NELL2: variants seen among roughly 807,000 people sequenced by gnomAD.
NELL2 encodes the protein neural EGFL like 2.
Under a neutral mutation model 109.6 loss-of-function variants are expected in NELL2, and 41 were observed. That is an observed-to-expected ratio of 0.37 (90% confidence interval 0.29 to 0.49). The LOEUF is 0.49. Ranked by LOEUF, NELL2 falls within the 20% of genes least tolerant of loss-of-function variation. The pLI is 0.98. For missense variants in NELL2, 900 were observed against 1,008.3 expected, an observed-to-expected ratio of 0.89 and a Z score of 1.45; for synonymous variants, 355 against 344.7, an observed-to-expected ratio of 1.03 and a Z score of -0.33.
intron 3 of NELL2, among the ~76,000 whole-genome samples, chr12:44,811,441 A>G (rs1033220548): frequency 2.6e-5 from 4 of 152,068 alleles, no homozygotes; most frequent in African/African-American, 9.7e-5. Flanking sequence ...GAAGAAATTA[A>G]TGTAAACTGG....
chr12:44,888,335 A>C (rs185199145), intron 1 of NELL2, among the ~76,000 whole-genome samples: 12 of 150,244 alleles, frequency 8.0e-5, no homozygotes, highest in Non-Finnish European at 1.6e-4. Flanking sequence ...TCGTGGTTCT[A>C]AATAAATTTA....
intron 9 of NELL2, among the ~76,000 whole-genome samples, chr12:44,739,902 C>A (rs1386423667): frequency 6.6e-6 from 1 of 151,850 alleles, no homozygotes. Context: ...AACACAACAA[C>A]AACAAAAAAA....
intron 9 of NELL2, among the ~76,000 whole-genome samples, chr12:44,743,334 C>T (rs1333823216): frequency 6.6e-6 from 1 of 152,132 alleles, no homozygotes; most frequent in Admixed American, 6.5e-5. Flanking sequence ...CCGGTACCAG[C>T]CACTGCAAAA....
chr12:44,800,879 G>A (rs1335105159), intron 3 of NELL2, among the ~76,000 whole-genome samples: 1 of 152,176 alleles, frequency 6.6e-6, no homozygotes, highest in Non-Finnish European at 1.5e-5. Context: ...AGTCACACGG[G>A]ACAGAGTAAG....
In NELL2 at chr12:44,874,548, T is replaced by C. The variant is rs572052384; in HGVS notation, c.184+677A>G. On this transcript the variant is annotated intron_variant, in intron 2 of 19. Transcript: ENST00000429094. ...GACATTTGTGCCCAGCCAATATCCATTGACTTCAAAAAAAAGTTGTAAAAT... is the reference window on the plus strand; with the variant it reads ...GACATTTGTGCCCAGCCAATATCCACTGACTTCAAAAAAAAGTTGTAAAAT... Among the ~76,000 whole-genome samples, 17 of 152,326 alleles carry C rather than the reference T, an allele frequency of 1.1e-4. No individual in the cohort carries two copies. The East Asian group carries it at 2.3e-3, about 21-fold the overall frequency.
At chr12:44,561,154 A>G (rs149399133) in intron 15 of NELL2, among the ~76,000 whole-genome samples, 156 of 152,356 alleles carry the variant, frequency 1.0e-3, no homozygotes, top group Non-Finnish European at 1.9e-3. Flanking sequence ...TACACTCAAT[A>G]AACTAGGAAT....
intron 12 of NELL2, among the ~76,000 whole-genome samples, chr12:44,686,566 A>G (rs1234227940): frequency 6.6e-6 from 1 of 151,742 alleles, no homozygotes; most frequent in Non-Finnish European, 1.5e-5. Flanking sequence ...TTGGTCTTTG[A>G]TGATGGTGAT....
chr12:44,710,591 C>G (rs1200179214), intron 11 of NELL2, among the ~76,000 whole-genome samples: 2 of 152,104 alleles, frequency 1.3e-5, no homozygotes, highest in Non-Finnish European at 2.9e-5. Context: ...ATACATGAAT[C>G]TATAATAAGA....
intron 3 of NELL2, among the ~76,000 whole-genome samples, chr12:44,810,408 G>A (rs935083410): frequency 2.0e-5 from 3 of 152,056 alleles, no homozygotes; most frequent in Admixed American, 6.6e-5. Flanking sequence ...AGAATTATAG[G>A]CAGTGGTAAA....
intron 15 of NELL2, among the ~76,000 whole-genome samples, chr12:44,601,272 C>G (rs1945209770): frequency 6.6e-6 from 1 of 152,016 alleles, no homozygotes; most frequent in Non-Finnish European, 1.5e-5. Flanking sequence ...TTATACACGA[C>G]TGATATATAG....
chr12:44,530,659 A>T (rs1408241318), intron 16 of NELL2, among the ~76,000 whole-genome samples: 1 of 152,190 alleles, frequency 6.6e-6, no homozygotes, highest in African/African-American at 2.4e-5. Flanking sequence ...CTGCTCTTGG[A>T]TTGCTTGCTT....
chr12:44,587,536 T>A (rs1397056040), intron 15 of NELL2, among the ~76,000 whole-genome samples: 1 of 151,994 alleles, frequency 6.6e-6, no homozygotes, highest in Non-Finnish European at 1.5e-5. Flanking sequence ...TCTATTAATG[T>A]CTAATAATGC....
rs773055380 is a variant in NELL2, at chr12:44,711,350, C to A, written c.1131G>T (p.Leu377Phe). 16 of 1,612,444 alleles carry A rather than the reference C, an allele frequency of 9.9e-6. No homozygotes were observed. Among genetic ancestry groups the A allele is most frequent in the Middle Eastern group, 3.3e-4 (2 of 6,070 alleles). The change falls in exon 11 of 20, where the codon TTG becomes TTT. Residue 377 changes from leucine (L) to phenylalanine (F), a missense_variant. By Grantham distance (22) the Leu-to-Phe change is conservative (BLOSUM62 0). Around this residue, in one of 4 missense-constraint regions of NELL2, gnomAD observed 292 missense variants for 265.3 expected, o/e 1.10. Coordinates refer to ENST00000429094, the MANE Select transcript of NELL2 (RefSeq NM_001145108.2). ...TTATCTGATGAGACTCTGGACAATC[C>A]AAAGCTGGACAGCCTGAACTCTCAA... is the stretch of plus-strand genomic sequence containing the variant. ...KLVESSGCPALDCPESHQITL... is the reference protein window; with the variant it reads ...KLVESSGCPAFDCPESHQITL...
intron 2 of NELL2, among the ~76,000 whole-genome samples, chr12:44,825,719 T>G (rs1448677984): frequency 6.7e-6 from 1 of 149,836 alleles, no homozygotes; most frequent in Non-Finnish European, 1.5e-5. Flanking sequence ...TTGAGATAGT[T>G]CATTGTTAGT....
At chr12:44,687,529 T>C (rs928667278) in intron 12 of NELL2, among the ~76,000 whole-genome samples, 1 of 152,200 alleles carries the variant, frequency 6.6e-6, no homozygotes, top group African/African-American at 2.4e-5. Flanking sequence ...TTTTTTCAGA[T>C]GTCTTTGGTG....
At chr12:44,684,476 C>T (rs1031100544) in intron 12 of NELL2, among the ~76,000 whole-genome samples, 2 of 152,036 alleles carry the variant, frequency 1.3e-5, no homozygotes, top group African/African-American at 4.8e-5. Context: ...AATGTGTTTG[C>T]TCTTGCTTTT....
At chr12:44,584,358 C>T (rs1944423566) in intron 15 of NELL2, among the ~76,000 whole-genome samples, 1 of 152,176 alleles carries the variant, frequency 6.6e-6, no homozygotes, top group Admixed American at 6.5e-5. Flanking sequence ...AGAAATGTCA[C>T]ATAACTGATG....
intron 2 of NELL2, among the ~76,000 whole-genome samples, chr12:44,871,346 A>G (rs1777316630): frequency 6.6e-6 from 1 of 152,240 alleles, no homozygotes; most frequent in Non-Finnish European, 1.5e-5. Context: ...CTATGAAATC[A>G]AAGTTAAGTT....
chr12:44,791,118 T>C (rs1942394284), intron 3 of NELL2, among the ~76,000 whole-genome samples: 1 of 11,858 alleles, frequency 8.4e-5, no homozygotes, highest in African/African-American at 3.4e-4. Flanking sequence ...TGTATATATA[T>C]ATGTATATAT....
Sources: gnomAD v4.1 joint callset for allele counts (sites outside exome capture counted in the v4.1 genomes callset) on GRCh38, gnomAD v4.1.1 for gene constraint, gnomAD v4.1.1 regional missense constraint, MANE v1.5 for transcripts, NCBI Gene and HGNC (gene_info 2026-07-23, HGNC 2026-07-21) for gene names.